Variants in DERPC observed in about 807,000 individuals in gnomAD.
DERPC encodes the protein decreased expression in renal and prostate cancer protein.
A neutral mutation model predicts 7.2 loss-of-function variants in DERPC; 1 was observed. The ratio of observed to expected loss-of-function variants is 0.14; its 90% CI spans 0.05 to 0.66. DERPC has a LOEUF of 0.66. DERPC is among the 30% of genes least tolerant of loss of function. DERPC has a pLI of 0.84. For missense variants in DERPC, 502 were observed against 299.4 expected (o/e 1.68, Z -4.99); for synonymous variants, 185 against 117.6 (o/e 1.57, Z -3.71).
At position 69,121,290 on chromosome 16, in the gene DERPC, G is replaced by A; in HGVS notation, c.-222+146C>T. ...TTGGATGTCAAGTTCTTGGGAAATT[G>A]GGCAGTGCTAGGCATGGAACTAGAG... On this transcript the variant is annotated intron_variant, in intron 2 of 2. Transcript: ENST00000519520. The A allele has an allele frequency of 7.2e-6, 9 of 1,242,146 alleles. No homozygotes were observed. The South Asian group carries it at 1.3e-4, about 17-fold the overall frequency. The allele number at this position is 1,242,146 out of a possible 1,614,324, so 76.9% of individuals were successfully genotyped here.
rs1377880970 is a variant in DERPC at position 69,118,123 on chromosome 16, C to A, written c.*731G>T. On this transcript the variant is annotated 3_prime_UTR_variant, in exon 3 of 3. Transcript: ENST00000519520. Reference sequence around the variant, plus strand: ...AGCACAGTGATTTCTTCCCTTCATCCCCCACCCCCACCCTAATTCCCATAT... The same window carrying A: ...AGCACAGTGATTTCTTCCCTTCATCACCCACCCCCACCCTAATTCCCATAT... The A allele has an allele frequency of 3.0e-5, 12 of 399,298 alleles. No homozygotes were observed. The highest frequency in any genetic ancestry group is 1.4e-4 in the South Asian group (3 of 21,542). The allele number at this position is 399,298 out of a possible 1,614,324, so 24.7% of individuals were successfully genotyped here. A position where few individuals can be genotyped will look rare whatever the true frequency, so the allele number is the denominator to read the frequency against.
chr16:69,126,704 G>C (rs529015379), intron 1 of DERPC, among the ~76,000 whole-genome samples: 1 of 152,232 alleles, frequency 6.6e-6, no homozygotes, highest in East Asian at 1.9e-4. Context: ...TTATACGCAC[G>C]TGGGTGTATT....
rs1422410312 is a variant in DERPC, at chr16:69,119,148, G to A, written c.1281C>T (p.Phe427=). The change falls in exon 3 of 3, where the codon TTC becomes TTT. Residue 427 remains phenylalanine, a synonymous_variant. Transcript: ENST00000519520. The part of the protein sequence containing the change: ...TGLQGPSPTT[F]PRSTGPLGPG... The stretch of plus-strand genomic sequence containing the variant: ...GGCCTAATGGGCCAGTAGACCTTGG[G>A]AAGGTAGTTGGACTTGGACCCTGCA... The A allele has an allele frequency of 7.1e-6, 5 of 703,072 alleles. No homozygotes were observed. The highest frequency in any genetic ancestry group is 2.0e-5 in the Admixed American group (1 of 50,028). 43.6% of individuals were successfully genotyped at this position (703,072 alleles called of 1,614,324 possible).
At chr16:69,121,019 G>T (rs1242212320) in intron 2 of DERPC, 2 of 1,572,570 alleles carry the variant, frequency 1.3e-6, no homozygotes, top group African/African-American at 2.7e-5. Flanking sequence ...TTGCTTTCCT[G>T]AGGCATTAGG....
rs1961423664 is a variant in DERPC at position 69,119,252 on chromosome 16, C to A, written c.1177G>T (p.Gly393Cys). 1.4e-6 allele frequency: 1 copy of A among 703,020 alleles called. No individual in the cohort carries two copies. The highest frequency in any genetic ancestry group is 2.6e-6 in the Non-Finnish European group (1 of 384,980). The allele number at this position is 703,020 out of a possible 1,614,324, so 43.5% of individuals were successfully genotyped here. A position where few individuals can be genotyped will look rare whatever the true frequency, so the allele number is the denominator to read the frequency against. The part of the protein sequence containing the change: ...ATFQRSAGLQ[G>C]SNPTIFPRAS... ...CTTGGGAAAATGGTTGGATTTGAGC[C>A]CTGGAGGCCAGCGGACCTTTGGAAG... is the stretch of plus-strand genomic sequence containing the variant. The change falls in exon 3 of 3, where the codon GGC becomes TGC. Residue 393 changes from glycine to cysteine, a missense_variant. Gly to Cys is a radical substitution (Grantham distance 159). Transcript: ENST00000519520.
At chr16:69,131,712 T>G (rs923420091) in intron 1 of DERPC, among the ~76,000 whole-genome samples, 2 of 149,722 alleles carry the variant, frequency 1.3e-5, no homozygotes, top group Non-Finnish European at 3.0e-5. Flanking sequence ...ACTGGAGTGG[T>G]CTTCCAAACC....
chr16:69,120,265 G>A lies in DERPC; in HGVS notation c.164C>T (p.Ala55Val), dbSNP rs1237812656. ...GGTCAGATTTCCACCAAGAGAACCG[G>A]CCGCCATAAGGAAGGGATCCGAGTT... ...GVNSDPFLMA[A>V]GSLGGNLTPF... Residue 55 changes from alanine (A) to valine (V), a missense_variant, in exon 3 of 3, where the codon GCC becomes GTC. Coordinates refer to ENST00000519520, the MANE Select transcript of DERPC (RefSeq NM_001002847.4). This position sits in a 1 kb window ranked among gnomAD's most constrained non-coding sequence, Gnocchi z 4.0. The A allele has an allele frequency of 1.4e-6, 1 of 731,978 alleles. No individual in the cohort carries two copies. The highest frequency in any genetic ancestry group is 2.5e-6 in the Non-Finnish European group (1 of 407,254). The allele number at this position is 731,978 out of a possible 1,614,324, so 45.3% of individuals were successfully genotyped here. A position where few individuals can be genotyped will look rare whatever the true frequency, so the allele number is the denominator to read the frequency against.
At chr16:69,122,126 T>C (rs1313235265) in intron 1 of DERPC, among the ~76,000 whole-genome samples, 2 of 152,190 alleles carry the variant, frequency 1.3e-5, no homozygotes, top group African/African-American at 4.8e-5. Context: ...TAGGTACTTT[T>C]CTAAGTCCTT....
chr16:69,123,850 G>C (rs1159161999), intron 1 of DERPC, among the ~76,000 whole-genome samples: 1 of 148,790 alleles, frequency 6.7e-6, no homozygotes, highest in Non-Finnish European at 1.5e-5. Flanking sequence ...AACTTTGGGA[G>C]ACCAAAGTGG....
rs879233996 is a variant in DERPC, at chr16:69,120,471, T to G, written c.-43A>C. 18 of 1,613,990 alleles carry G rather than the reference T, an allele frequency of 1.1e-5. 1 individual carries two copies. Among genetic ancestry groups the G allele is most frequent in the East Asian group, 8.9e-5 (4 of 44,878 alleles). On this transcript the variant is annotated 5_prime_UTR_variant, in exon 3 of 3. Transcript: ENST00000519520. The surrounding 1 kb of genome is among the most constrained non-coding windows in gnomAD (Gnocchi z 4.0). ...GGTGATAATGGGCTTGGGGCGGGTT[T>G]TGAAAAGGATCTTGTCTTTGATGAG...
In DERPC at chr16:69,119,534, T is replaced by C. The variant is rs1255456661; in HGVS notation, c.895A>G (p.Met299Val). Reference protein sequence around the residue: ...SASFSQASGNMGTSPSSMARV... With the variant: ...SASFSQASGNVGTSPSSMARV... ...GCCATGGAGGATGGGCTTGTGCCCA[T>C]GTTTCCAGAAGCCTGTGAGAAAGAA... The change falls in exon 3 of 3, where the codon ATG becomes GTG. Residue 299 changes from methionine to valine, a missense_variant. Coordinates refer to ENST00000519520, the MANE Select transcript of DERPC (RefSeq NM_001002847.4). 3 of 702,762 alleles carry C rather than the reference T, an allele frequency of 4.3e-6. No individual in the cohort carries two copies. The highest frequency in any genetic ancestry group is 3.5e-5 in the African/African-American group (2 of 57,234). 43.5% of individuals were successfully genotyped at this position (702,762 alleles called of 1,614,324 possible).
rs1483180104 is a variant in DERPC, at chr16:69,119,056, C to G, written c.1373G>C (p.Gly458Ala). The G allele has an allele frequency of 4.3e-6, 3 of 703,070 alleles. No individual in the cohort carries two copies. Among genetic ancestry groups the G allele is most frequent in the South Asian group, 1.5e-5 (1 of 67,600 alleles). The allele number at this position is 703,070 out of a possible 1,614,324, so 43.6% of individuals were successfully genotyped here. A position where few individuals can be genotyped will look rare whatever the true frequency, so the allele number is the denominator to read the frequency against. ...HLGPSPAGPV[G>A]INPAPFTRPT... The stretch of plus-strand genomic sequence containing the variant: ...CCTTGTGAAAGGAGCTGGGTTGATA[C>G]CCACAGGGCCAGCTGGAGAAGGGCC... Residue 458 changes from glycine (G) to alanine (A), a missense_variant, in exon 3 of 3, where the codon GGT becomes GCT. Coordinates refer to ENST00000519520, the MANE Select transcript of DERPC (RefSeq NM_001002847.4).
intron 2 of DERPC, chr16:69,121,125 C>T (rs188827537): frequency 6.2e-7 from 1 of 1,613,714 alleles, no homozygotes; most frequent in East Asian, 2.2e-5. Context: ...CGATCTCCCC[C>T]TGTAGCTCCA....
chr16:69,123,542 A>C (rs914494667), intron 1 of DERPC, among the ~76,000 whole-genome samples: 5 of 152,008 alleles, frequency 3.3e-5, no homozygotes, highest in African/African-American at 1.2e-4. Flanking sequence ...CCATAATCCC[A>C]GCTATTCGGC....
At chr16:69,122,164 CA>C in intron 1 of DERPC, among the ~76,000 whole-genome samples, 1 of 152,304 alleles carries the variant, frequency 6.6e-6, no homozygotes, top group South Asian at 2.1e-4. Flanking sequence ...GTTCCTCTAA[CA>C]ATGCCCTAAG....
At chr16:69,122,958 C>G (rs2152268295) in intron 1 of DERPC, among the ~76,000 whole-genome samples, 1 of 152,292 alleles carries the variant, frequency 6.6e-6, no homozygotes, top group African/African-American at 2.4e-5. Flanking sequence ...GGATTACAGG[C>G]ATTAGCCACC....
intron 1 of DERPC, among the ~76,000 whole-genome samples, chr16:69,131,601 C>A (rs929456924): frequency 7.0e-6 from 1 of 142,714 alleles, no homozygotes; most frequent in Non-Finnish European, 1.5e-5. Flanking sequence ...CAATCCGCTT[C>A]CCCCCTCTTC....
At chr16:69,127,990 C>T (rs1253294990) in intron 1 of DERPC, among the ~76,000 whole-genome samples, 26 of 151,776 alleles carry the variant, frequency 1.7e-4, no homozygotes, top group Admixed American at 1.4e-3. Context: ...TCTCGGCTCA[C>T]TGCAACCTCC....
At position 69,120,867 on chromosome 16, in the gene DERPC, C is replaced by T. The variant is rs1433672072; in HGVS notation, c.-221-218G>A. 4.0e-6 allele frequency: 3 copies of T among 753,858 alleles called. No homozygotes were observed. The highest frequency in any genetic ancestry group is 2.0e-5 in the Admixed American group (1 of 49,786). The allele number at this position is 753,858 out of a possible 1,614,324, so 46.7% of individuals were successfully genotyped here. A position where few individuals can be genotyped will look rare whatever the true frequency, so the allele number is the denominator to read the frequency against. ...TCCACTTTCAGAAATGTGAGCTTTC[C>T]AGATTCCCCAAAATTAAATTTCCCT... On this transcript the variant is annotated intron_variant, in intron 2 of 2. Transcript: ENST00000519520. This position sits in a 1 kb window ranked among gnomAD's most constrained non-coding sequence, Gnocchi z 4.0.
Sources: allele counts gnomAD v4.1 joint callset (sites outside exome capture counted in the v4.1 genomes callset), GRCh38; gene constraint gnomAD v4.1.1; non-coding constraint Gnocchi (gnomAD v3.1); transcripts MANE v1.5; gene names NCBI Gene and HGNC (gene_info 2026-07-23, HGNC 2026-07-21).